Variants in PHKB observed in about 807,000 individuals in gnomAD.
The protein encoded by PHKB is phosphorylase b kinase regulatory subunit beta.
PHKB carries 122 observed loss-of-function variants against 152.1 expected under a neutral mutation model. That is an observed-to-expected ratio of 0.80 (90% CI 0.69 to 0.93). PHKB has a LOEUF of 0.93. Ranked by LOEUF, PHKB falls within the 40% of genes least tolerant of loss-of-function variation. The pLI is 0.00. For missense variants in PHKB, 1,304 were observed against 1,328.4 expected (o/e 0.98, Z 0.29); for synonymous variants, 436 against 464.9 (o/e 0.94, Z 0.80).
chr16:47,641,018 C>G lies in PHKB; in HGVS notation c.1459-17C>G. 6.2e-7 allele frequency: 1 copy of G among 1,610,734 alleles called. No homozygotes were observed. The highest frequency in any genetic ancestry group is 2.2e-5 in the East Asian group (1 of 44,866). ...ATCTTTTAAAATGTTTTCCCCCTCC[C>G]TTATTCTGCATTACAGGGCCCACTG... On this transcript the variant is annotated splice_polypyrimidine_tract_variant and intron_variant, in intron 14 of 30. Coordinates refer to ENST00000323584, the MANE Select transcript of PHKB (RefSeq NM_000293.3).
In PHKB at chr16:47,515,554, G is replaced by T. The variant is rs1434597094; in HGVS notation, c.547G>T (p.Val183Leu). The T allele has an allele frequency of 6.6e-7, 1 of 1,515,152 alleles. No individual in the cohort carries two copies. Among genetic ancestry groups the T allele is most frequent in the Non-Finnish European group, 9.2e-7 (1 of 1,090,680 alleles). 93.9% of individuals were successfully genotyped at this position (1,515,152 alleles called of 1,614,324 possible). ...AGTGTCACTTTATCTCCTTTACCTT[G>T]TGGAAATGATTTCCTCAGGACTCCA... ...NAVSLYLLYL[V>L]EMISSGLQII... Residue 183 changes from valine (V) to leucine (L), a missense_variant, in exon 6 of 31, where the codon GTG (valine) becomes TTG (leucine). Transcript: ENST00000323584.
Position 47,580,263 on chromosome 16 carries a change from A to G in PHKB, c.711-32A>G, listed in dbSNP as rs1206184048. Reference sequence around the variant, plus strand: ...TTCTGATTTTGTAGCCACATACATTAGAGTAATAAAGCATTTCCTTTTCTC... The same window carrying G: ...TTCTGATTTTGTAGCCACATACATTGGAGTAATAAAGCATTTCCTTTTCTC... On this transcript the variant is annotated intron_variant, in intron 7 of 30. Coordinates refer to ENST00000323584, the MANE Select transcript of PHKB (RefSeq NM_000293.3). 6 of 1,551,752 alleles carry G rather than the reference A, an allele frequency of 3.9e-6. No homozygotes were observed. In the South Asian group the frequency reaches 6.7e-5, roughly 17 times the overall value.
Position 47,641,074 on chromosome 16 carries a change from A to C in PHKB, c.1498A>C (p.Ile500Leu), listed in dbSNP as rs1597143563. Residue 500 changes from isoleucine (I) to leucine (L), a missense_variant, in exon 15 of 31, where the codon ATA becomes CTA. Coordinates refer to ENST00000323584, the MANE Select transcript of PHKB (RefSeq NM_000293.3). Reference sequence around the variant, plus strand: ...TGACTTGGTAGTTCATGTGGCACTTATAGCAGAAAGCCAAAGGTATGAAAT... The same window carrying C: ...TGACTTGGTAGTTCATGTGGCACTTCTAGCAGAAAGCCAAAGGTATGAAAT... ...ENDLVVHVAL[I>L]AESQRLQVFL... 1 of 1,613,930 alleles carries C rather than the reference A, an allele frequency of 6.2e-7. No homozygotes were observed. The highest frequency in any genetic ancestry group is 2.2e-5 in the East Asian group (1 of 44,896).
At chr16:47,522,626 A>G (rs1970704212) in intron 6 of PHKB, among the ~76,000 whole-genome samples, 1 of 151,466 alleles carries the variant, frequency 6.6e-6, no homozygotes, top group African/African-American at 2.4e-5. Flanking sequence ...TTGTGCTAAA[A>G]GATTAAATTA....
intron 14 of PHKB, among the ~76,000 whole-genome samples, chr16:47,634,747 G>C (rs1363415602): frequency 6.6e-6 from 1 of 152,168 alleles, no homozygotes; most frequent in African/African-American, 2.4e-5. Context: ...GGACAGAGAG[G>C]ACCCAGGGTG....
intron 8 of PHKB, among the ~76,000 whole-genome samples, chr16:47,582,865 C>G (rs956196332): frequency 6.6e-6 from 1 of 152,162 alleles, no homozygotes; most frequent in Admixed American, 6.5e-5. Flanking sequence ...GGCACGATCT[C>G]GGCTCACTGC....
chr16:47,640,126 T>C (rs1279654324), intron 14 of PHKB, among the ~76,000 whole-genome samples: 1 of 152,256 alleles, frequency 6.6e-6, no homozygotes, highest in Non-Finnish European at 1.5e-5. Flanking sequence ...TTACTGCTGA[T>C]ATATGTATGC....
At chr16:47,620,393 G>C (rs966861037) in intron 14 of PHKB, among the ~76,000 whole-genome samples, 1 of 152,172 alleles carries the variant, frequency 6.6e-6, no homozygotes. Flanking sequence ...CTTGTATTTT[G>C]ATAGTTCCAA....
chr16:47,530,394 C>T (rs567924183), intron 6 of PHKB, among the ~76,000 whole-genome samples: 5 of 152,168 alleles, frequency 3.3e-5, no homozygotes, highest in Admixed American at 6.5e-5. Context: ...TCAAGTGATC[C>T]GCCTGCCTCA....
At position 47,538,695 on chromosome 16, in the gene PHKB, T is replaced by C. The variant is rs114458160; in HGVS notation, c.595-8738T>C. On this transcript the variant is annotated intron_variant, in intron 6 of 30. Coordinates refer to ENST00000323584, the MANE Select transcript of PHKB (RefSeq NM_000293.3). ...ATCAACTCTTTATCTCTGTGTTTGT[T>C]GACTCTGAGCATAGAGATTTCCTGG... 7.5e-3 allele frequency among the ~76,000 whole-genome samples: 1,139 copies of C among 152,316 alleles called. 19 individuals carry two copies. Among genetic ancestry groups the C allele is most frequent in the African/African-American group, 0.026 (1,081 of 41,574 alleles).
intron 6 of PHKB, among the ~76,000 whole-genome samples, chr16:47,545,667 G>A (rs1971148765): frequency 6.6e-6 from 1 of 152,180 alleles, no homozygotes; most frequent in South Asian, 2.1e-4. Context: ...AAGTTCTCCT[G>A]GATAATATCT....
chr16:47,548,488 T>C (rs1971213215), intron 7 of PHKB, among the ~76,000 whole-genome samples: 1 of 151,786 alleles, frequency 6.6e-6, no homozygotes, highest in African/African-American at 2.4e-5. Context: ...GTGCCTGTAA[T>C]CCCAGCAACT....
chr16:47,557,545 C>A (rs1476583409), intron 7 of PHKB, among the ~76,000 whole-genome samples: 1 of 152,104 alleles, frequency 6.6e-6, no homozygotes, highest in Non-Finnish European at 1.5e-5. Context: ...AAGAAAAAAA[C>A]AAACAACCCC....
chr16:47,677,341 C>T (rs1437584983), intron 26 of PHKB, among the ~76,000 whole-genome samples: 1 of 152,192 alleles, frequency 6.6e-6, no homozygotes, highest in Non-Finnish European at 1.5e-5. Flanking sequence ...AAAAAAGTCC[C>T]TTCTTGCAGC....
chr16:47,652,835 A>G (rs1052699547), intron 20 of PHKB, among the ~76,000 whole-genome samples: 2 of 152,012 alleles, frequency 1.3e-5, no homozygotes, highest in Admixed American at 1.3e-4. Flanking sequence ...TAGAGACAGC[A>G]TCTTGCTATG....
At chr16:47,486,750 G>T (rs1970056782) in intron 1 of PHKB, among the ~76,000 whole-genome samples, 1 of 152,126 alleles carries the variant, frequency 6.6e-6, no homozygotes. Flanking sequence ...TTCGGATTAT[G>T]CTTACTTCTT....
intron 2 of PHKB, among the ~76,000 whole-genome samples, chr16:47,498,290 A>T (rs1432985470): frequency 1.3e-5 from 2 of 152,144 alleles, no homozygotes; most frequent in East Asian, 3.8e-4. Context: ...ATATTTTTTT[A>T]TGTCAATTGT....
chr16:47,643,572 T>C (rs1293439503), intron 16 of PHKB, among the ~76,000 whole-genome samples: 3 of 152,224 alleles, frequency 2.0e-5, no homozygotes, highest in Non-Finnish European at 2.9e-5. Flanking sequence ...AGATGGAAGA[T>C]TGTTTTTTGG....
At chr16:47,539,958 A>G (rs1305169680) in intron 6 of PHKB, among the ~76,000 whole-genome samples, 1 of 152,192 alleles carries the variant, frequency 6.6e-6, no homozygotes, top group Non-Finnish European at 1.5e-5. Flanking sequence ...TTTAGGGAAC[A>G]AGGGAAGACA....
Sources: gnomAD v4.1 joint callset for allele counts (sites outside exome capture counted in the v4.1 genomes callset) on GRCh38, gnomAD v4.1.1 for gene constraint, MANE v1.5 for transcripts, NCBI Gene and HGNC (gene_info 2026-07-23, HGNC 2026-07-21) for gene names.